Variants in GALNTL6 observed in about 807,000 individuals in gnomAD.
GALNTL6 encodes the protein polypeptide N-acetylgalactosaminyltransferase like 6.
A neutral mutation model predicts 73.7 loss-of-function variants in GALNTL6; 46 were observed. That is an observed-to-expected ratio of 0.62 (90% confidence interval 0.49 to 0.80). The LOEUF (loss-of-function observed/expected upper bound fraction) is 0.80. Among genes scored for constraint, GALNTL6 ranks in the 30% least tolerant of loss-of-function variants. The probability of loss-of-function intolerance (pLI) is 0.00; values close to 1 mark genes in which losing one functional copy is unlikely to be tolerated. For synonymous variants in GALNTL6, 259 were observed against 263.7 expected (o/e 0.98, Z 0.17); for missense variants, 604 against 755.0 (o/e 0.80, Z 2.34).
intron 11 of GALNTL6, among the ~76,000 whole-genome samples, chr4:173,017,111 A>C (rs1013925093): frequency 6.6e-6 from 1 of 152,200 alleles, no homozygotes; most frequent in Non-Finnish European, 1.5e-5. Flanking sequence ...AGGCCTCCCC[A>C]GCCATGCTGA....
intron 2 of GALNTL6, among the ~76,000 whole-genome samples, chr4:171,829,071 T>A (rs1017638308): frequency 6.6e-6 from 1 of 152,202 alleles, no homozygotes; most frequent in African/African-American, 2.4e-5. Flanking sequence ...AAAAGTAGGC[T>A]ATTAGTAGTT....
At chr4:171,858,191 T>C (rs1735740188) in intron 2 of GALNTL6, among the ~76,000 whole-genome samples, 1 of 152,120 alleles carries the variant, frequency 6.6e-6, no homozygotes, top group South Asian at 2.1e-4. Flanking sequence ...AAAAGTTAGG[T>C]AAACTTAGGA....
chr4:171,824,130 T>C (rs1379406079), intron 2 of GALNTL6, among the ~76,000 whole-genome samples: 1 of 144,112 alleles, frequency 6.9e-6, no homozygotes, highest in Non-Finnish European at 1.5e-5. Context: ...TACTATCTTA[T>C]ATTACAAATG....
intron 2 of GALNTL6, among the ~76,000 whole-genome samples, chr4:172,170,536 G>GTCTCGC: frequency 7.4e-6 from 1 of 135,500 alleles, no homozygotes; most frequent in African/African-American, 2.8e-5. Context: ...TTGAGACAGA[G>GTCTCGC]TCTCGCTCTG....
chr4:172,218,893 A>G (rs1736579746), intron 2 of GALNTL6, among the ~76,000 whole-genome samples: 1 of 151,930 alleles, frequency 6.6e-6, no homozygotes, highest in Non-Finnish European at 1.5e-5. Flanking sequence ...ATTCATGTAC[A>G]TTGACAGTTT....
chr4:172,291,669 G>A (rs1739476741), intron 3 of GALNTL6, among the ~76,000 whole-genome samples: 1 of 151,896 alleles, frequency 6.6e-6, no homozygotes, highest in South Asian at 2.1e-4. Flanking sequence ...CAATTGATGA[G>A]GGCTAAATAA....
At chr4:172,684,330 G>T (rs557341156) in intron 5 of GALNTL6, among the ~76,000 whole-genome samples, 7 of 151,848 alleles carry the variant, frequency 4.6e-5, no homozygotes, top group Admixed American at 2.0e-4. Context: ...GTTCATTTAG[G>T]CAATTAACAT....
intron 5 of GALNTL6, among the ~76,000 whole-genome samples, chr4:172,428,846 G>C (rs1269452571): frequency 6.6e-6 from 1 of 152,172 alleles, no homozygotes; most frequent in South Asian, 2.1e-4. Context: ...ATCATCAGCT[G>C]TCAGATTCAG....
At chr4:172,011,142 C>T (rs993234170) in intron 2 of GALNTL6, among the ~76,000 whole-genome samples, 1 of 151,982 alleles carries the variant, frequency 6.6e-6, no homozygotes, top group Non-Finnish European at 1.5e-5. Context: ...TAGAGAGTAT[C>T]CTTGACATTG....
intron 2 of GALNTL6, among the ~76,000 whole-genome samples, chr4:172,151,439 C>A (rs1734084546): frequency 6.6e-6 from 1 of 152,068 alleles, no homozygotes; most frequent in Non-Finnish European, 1.5e-5. Context: ...TGGCAAGAAC[C>A]ATAAAATATA....
intron 7 of GALNTL6, among the ~76,000 whole-genome samples, chr4:172,835,663 T>C (rs1049714075): frequency 3.3e-5 from 5 of 152,012 alleles, no homozygotes; most frequent in African/African-American, 1.2e-4. Context: ...TCCGGAATAG[T>C]GAGAGTAGCA....
At chr4:172,709,441 C>T (rs1035117048) in intron 5 of GALNTL6, among the ~76,000 whole-genome samples, 9 of 152,154 alleles carry the variant, frequency 5.9e-5, no homozygotes, top group Non-Finnish European at 1.2e-4. Context: ...CTTGCCAGCC[C>T]GACTTACCAT....
chr4:172,096,556 A>G (rs1236675202), intron 2 of GALNTL6, among the ~76,000 whole-genome samples: 3 of 150,486 alleles, frequency 2.0e-5, no homozygotes, highest in African/African-American at 7.3e-5. Flanking sequence ...AAACCTTACT[A>G]TTTGCTTATT....
rs368548838 is a variant in GALNTL6, at chr4:173,040,458, G to T, written c.*358G>T. Reference sequence around the variant, plus strand: ...ATGGATCCTATTAACTGGGTGGGAGGGGGGTGAAAATGGAGTGCATGACTG... The same window carrying T: ...ATGGATCCTATTAACTGGGTGGGAGTGGGGTGAAAATGGAGTGCATGACTG... On this transcript the variant is annotated 3_prime_UTR_variant, in exon 13 of 13. Transcript: ENST00000506823. The T allele has an allele frequency of 4.9e-6, 1 of 204,516 alleles. No homozygotes were observed. Among genetic ancestry groups the T allele is most frequent in the Admixed American group, 5.6e-5 (1 of 17,730 alleles). 12.7% of individuals were successfully genotyped at this position (204,516 alleles called of 1,614,324 possible).
chr4:172,476,518 C>A (rs765470380), intron 5 of GALNTL6, among the ~76,000 whole-genome samples: 12 of 152,168 alleles, frequency 7.9e-5, no homozygotes, highest in East Asian at 1.9e-4. Flanking sequence ...TTTGAGAGAA[C>A]CTTCCCAACT....
At chr4:172,333,947 C>G (rs1267021575) in intron 4 of GALNTL6, among the ~76,000 whole-genome samples, 1 of 152,076 alleles carries the variant, frequency 6.6e-6, no homozygotes, top group Non-Finnish European at 1.5e-5. Flanking sequence ...ATAGGGTGTC[C>G]TTTTCCCAAT....
intron 2 of GALNTL6, among the ~76,000 whole-genome samples, chr4:171,853,108 C>A (rs1289591098): frequency 6.6e-6 from 1 of 150,686 alleles, no homozygotes; most frequent in Admixed American, 6.6e-5. Context: ...CGTGATCCGC[C>A]CGCTTCAGCC....
intron 2 of GALNTL6, among the ~76,000 whole-genome samples, chr4:171,942,245 A>G (rs1025385310): frequency 7.3e-6 from 1 of 137,470 alleles, no homozygotes; most frequent in African/African-American, 3.2e-5. Context: ...TAAATAGATA[A>G]ATAAATAAAT....
At chr4:172,019,399 C>A (rs182269237) in intron 2 of GALNTL6, among the ~76,000 whole-genome samples, 2 of 151,656 alleles carry the variant, frequency 1.3e-5, no homozygotes, top group Non-Finnish European at 2.9e-5. Context: ...AAAAAAGACC[C>A]AATAATCTGT....
Sources: gnomAD v4.1 joint callset for allele counts (sites outside exome capture counted in the v4.1 genomes callset) on GRCh38, gnomAD v4.1.1 for gene constraint, MANE v1.5 for transcripts, NCBI Gene and HGNC (gene_info 2026-07-23, HGNC 2026-07-21) for gene names.